GRAMD1B: variants seen among roughly 807,000 people sequenced by gnomAD.
GRAMD1B encodes protein Aster-B.
GRAMD1B carries 37 observed loss-of-function variants against 99.7 expected under a neutral mutation model. That is an observed-to-expected ratio of 0.37 (90% CI 0.29 to 0.49). GRAMD1B has a LOEUF of 0.49. Among genes scored for constraint, GRAMD1B ranks in the 20% least tolerant of loss-of-function variants. The pLI is 0.98. For synonymous variants in GRAMD1B, 427 were observed against 387.6 expected (o/e 1.10, Z -1.19); for missense variants, 888 against 1,009.2 (o/e 0.88, Z 1.63).
chr11:123,513,608 TCCTTC>T (rs1941342725), intron 2 of GRAMD1B, among the ~76,000 whole-genome samples: 3 of 120,506 alleles, frequency 2.5e-5, no homozygotes, highest in African/African-American at 1.0e-4. Flanking sequence ...CTTCCTTCCT[TCCTTC>T]CTTCCTTTCT....
intron 1 of GRAMD1B, among the ~76,000 whole-genome samples, chr11:123,419,824 G>T (rs1310072557): frequency 1.3e-5 from 2 of 151,634 alleles, no homozygotes; most frequent in Non-Finnish European, 2.9e-5. Flanking sequence ...TACCCTAGTG[G>T]GCCTCTGCCT....
chr11:123,507,998 C>A (rs900866326), intron 2 of GRAMD1B, among the ~76,000 whole-genome samples: 41 of 152,154 alleles, frequency 2.7e-4, no homozygotes, highest in Admixed American at 1.4e-3. Flanking sequence ...TGCTTAAAGT[C>A]TCTGAATCTC....
Position 123,577,583 on chromosome 11 carries a change from C to T in GRAMD1B, c.663+6C>T, listed in dbSNP as rs976317856. The T allele has an allele frequency of 5.7e-6, 9 of 1,571,226 alleles. No individual in the cohort carries two copies. Among genetic ancestry groups the T allele is most frequent in the East Asian group, 2.4e-5 (1 of 41,906 alleles). On this transcript the variant is annotated splice_donor_region_variant and intron_variant, in intron 3 of 19. Transcript: ENST00000635736. The stretch of plus-strand genomic sequence containing the variant: ...GCGGCGGCAAGAATTCCAAGGTGAG[C>T]GGGACCCCGTTGAGGCGGTACCTCC...
intron 7 of GRAMD1B, chr11:123,599,019 C>T: frequency 9.0e-7 from 1 of 1,109,392 alleles, no homozygotes; most frequent in Non-Finnish European, 1.4e-6. Flanking sequence ...CTTGAGGCAA[C>T]AGTCATGGAG....
At chr11:123,407,104 TCA>T (rs1004936247) in intron 1 of GRAMD1B, among the ~76,000 whole-genome samples, 35 of 152,370 alleles carry the variant, frequency 2.3e-4, no homozygotes, top group African/African-American at 8.4e-4. Context: ...CTTTGTATCT[TCA>T]GTTTGTCTTT....
Position 123,613,467 on chromosome 11 carries a change from C to T in GRAMD1B, c.2036C>T (p.Ala679Val). The T allele has an allele frequency of 6.2e-7, 1 of 1,610,090 alleles. No individual in the cohort carries two copies. The highest frequency in any genetic ancestry group is 1.1e-5 in the South Asian group (1 of 89,968). ...TTGTCTCTGATAGAGAGCGAGCTGGCCAAAACGGAGAGCACTTATTTGGCT... is the reference window on the plus strand; with the variant it reads ...TTGTCTCTGATAGAGAGCGAGCTGGTCAAAACGGAGAGCACTTATTTGGCT... The part of the protein sequence containing the change: ...DYFRHLESEL[A>V]KTESTYLAEM... Residue 679 changes from alanine (A) to valine (V), a missense_variant, in exon 16 of 20, where the codon GCC (alanine) becomes GTC (valine). Around this residue, in one of 5 missense-constraint regions of GRAMD1B, gnomAD observed 232 missense variants for 261.7 expected, o/e 0.89. Transcript: ENST00000635736.
chr11:123,393,890 T>C (rs542885279), intron 1 of GRAMD1B, among the ~76,000 whole-genome samples: 1 of 152,322 alleles, frequency 6.6e-6, no homozygotes, highest in Admixed American at 6.5e-5. Flanking sequence ...TTTTTATCTT[T>C]GAATAGAGTA....
intron 1 of GRAMD1B, among the ~76,000 whole-genome samples, chr11:123,433,365 C>T (rs750814287): frequency 1.4e-4 from 21 of 152,026 alleles, no homozygotes; most frequent in Non-Finnish European, 2.4e-4. Context: ...GCAACAAGAG[C>T]GAAACTTCAT....
In GRAMD1B at chr11:123,605,180, T is replaced by C. The variant is rs530254038; in HGVS notation, c.1167-142T>C. ...GAGCAATGGGGTAGGCAGGGGATTT[T>C]TGGTTAGAGGAAGATCATACACAAA... is the stretch of plus-strand genomic sequence containing the variant. On this transcript the variant is annotated intron_variant, in intron 9 of 19. Transcript: ENST00000635736. The C allele has an allele frequency of 4.7e-5, 24 of 510,332 alleles. No homozygotes were observed. In the East Asian group the frequency reaches 4.7e-4, roughly 10 times the overall value. The allele number at this position is 510,332 out of a possible 1,614,324, so 31.6% of individuals were successfully genotyped here. A position where few individuals can be genotyped will look rare whatever the true frequency, so the allele number is the denominator to read the frequency against.
intron 1 of GRAMD1B, among the ~76,000 whole-genome samples, chr11:123,419,225 G>C (rs1399902291): frequency 6.6e-6 from 1 of 152,204 alleles, no homozygotes; most frequent in African/African-American, 2.4e-5. Context: ...TCTTAGACTT[G>C]CAAGTGACCA....
chr11:123,594,732 C>T lies in GRAMD1B; in HGVS notation c.770-3C>T, dbSNP rs1484900172. On this transcript the variant is annotated splice_polypyrimidine_tract_variant and splice_region_variant and intron_variant, in intron 5 of 19. Coordinates refer to ENST00000635736, the MANE Select transcript of GRAMD1B (RefSeq NM_001387025.1). ...AGCTCCCCTACCTCCGCTCCTACCA[C>T]AGATTACTCATGTGCACTCCAAAGA... is the stretch of plus-strand genomic sequence containing the variant. 2.0e-6 allele frequency: 3 copies of T among 1,521,424 alleles called. No individual in the cohort carries two copies. In the African/African-American group the frequency reaches 4.1e-5, roughly 21 times the overall value. The allele number at this position is 1,521,424 out of a possible 1,614,324, so 94.2% of individuals were successfully genotyped here. A position where few individuals can be genotyped will look rare whatever the true frequency, so the allele number is the denominator to read the frequency against.
intron 2 of GRAMD1B, among the ~76,000 whole-genome samples, chr11:123,532,223 C>A (rs774539492): frequency 6.6e-6 from 1 of 152,196 alleles, no homozygotes; most frequent in Non-Finnish European, 1.5e-5. Flanking sequence ...GAAGGCTATC[C>A]TGCATGTGGC....
At chr11:123,433,654 C>G (rs1463371761) in intron 1 of GRAMD1B, among the ~76,000 whole-genome samples, 1 of 151,180 alleles carries the variant, frequency 6.6e-6, no homozygotes, top group African/African-American at 2.4e-5. Context: ...GAGACCCCCA[C>G]CCCCAACGCT....
chr11:123,459,166 G>C (rs967236294), intron 1 of GRAMD1B: 10 of 152,108 alleles, frequency 6.6e-5, no homozygotes, highest in African/African-American at 2.2e-4. Context: ...AGTTAGGGCA[G>C]ATTGGGGTAT....
chr11:123,495,908 C>A (rs1565299928), intron 2 of GRAMD1B, among the ~76,000 whole-genome samples: 1 of 152,086 alleles, frequency 6.6e-6, no homozygotes, highest in African/African-American at 2.4e-5. Flanking sequence ...TCTTATTGTA[C>A]TTTCTGCGTC....
Position 123,577,429 on chromosome 11 carries a change from G to C in GRAMD1B, c.515G>C (p.Arg172Pro). Residue 172 changes from arginine (R) to proline (P), a missense_variant, in exon 3 of 20, where the codon CGC becomes CCC. By Grantham distance (103) the Arg-to-Pro change is moderately radical (BLOSUM62 -2). Coordinates refer to ENST00000635736, the MANE Select transcript of GRAMD1B (RefSeq NM_001387025.1). ...ACSPILRKRSRSPTPQNQDGD... is the reference protein window; with the variant it reads ...ACSPILRKRSPSPTPQNQDGD... ...TCGCCCATCCTCCGGAAGCGGTCTCGCTCGCCAACCCCGCAGAACCAGGAC... is the reference window on the plus strand; with the variant it reads ...TCGCCCATCCTCCGGAAGCGGTCTCCCTCGCCAACCCCGCAGAACCAGGAC... 1 of 1,601,336 alleles carries C rather than the reference G, an allele frequency of 6.2e-7. No homozygotes were observed. The highest frequency in any genetic ancestry group is 8.5e-7 in the Non-Finnish European group (1 of 1,174,386).
intron 3 of GRAMD1B, chr11:123,578,430 A>T (rs1344538523): frequency 6.5e-7 from 1 of 1,530,574 alleles, no homozygotes; most frequent in Admixed American, 2.0e-5. Context: ...GCCTCTCAAA[A>T]GTAAGCCATC....
At chr11:123,553,337 T>TTAACTAATATGTAGAAGGAGACC (rs11274044) in intron 2 of GRAMD1B, among the ~76,000 whole-genome samples, 58,313 of 152,066 alleles carry the variant, frequency 0.38, 13,224 homozygotes, top group African/African-American at 0.63. Flanking sequence ...GAAATGGGGT[T>TTAACTAATATGTAGAAGGAGACC]TACCCCTAGT....
chr11:123,559,743 C>A, intron 2 of GRAMD1B: 2 of 944,958 alleles, frequency 2.1e-6, no homozygotes, highest in Non-Finnish European at 2.5e-6. Flanking sequence ...GCCTGACCTG[C>A]GGGAGAAGCG....
Sources: allele counts gnomAD v4.1 joint callset (sites outside exome capture counted in the v4.1 genomes callset), GRCh38; gene constraint gnomAD v4.1.1; regional missense constraint gnomAD v4.1.1; transcripts MANE v1.5; gene names NCBI Gene and HGNC (gene_info 2026-07-23, HGNC 2026-07-21).